Variants in UPK1B observed in about 807,000 individuals in gnomAD.
UPK1B encodes uroplakin-1b.
A neutral mutation model predicts 34.2 loss-of-function variants in UPK1B; 28 were observed. That is an observed-to-expected ratio of 0.82 (90% CI 0.61 to 1.12). The LOEUF (loss-of-function observed/expected upper bound fraction) is 1.12, where lower values mean the gene tolerates loss of function less well. Ranked by LOEUF, UPK1B falls within the 50% of genes most tolerant of loss-of-function variation. The probability of loss-of-function intolerance (pLI) is 0.00; values close to 1 mark genes in which losing one functional copy is unlikely to be tolerated. For synonymous variants in UPK1B, 81 were observed against 110.4 expected (o/e 0.73, Z 1.67); for missense variants, 325 against 320.9 (o/e 1.01, Z -0.10).
intron 7 of UPK1B, among the ~76,000 whole-genome samples, chr3:119,203,354 A>AAAAACAAAAAC (rs2078101569): frequency 2.1e-5 from 3 of 141,878 alleles, no homozygotes; most frequent in Non-Finnish European, 4.6e-5. Context: ...AAAAAAAAAA[A>AAAAACAAAAAC]AAAAAAAAAA....
chr3:119,175,196 T>G (rs1420328892), intron 1 of UPK1B, among the ~76,000 whole-genome samples: 1 of 150,992 alleles, frequency 6.6e-6, no homozygotes, highest in African/African-American at 2.4e-5. Flanking sequence ...CCCGGCCAAT[T>G]TTTTGTATTT....
In UPK1B at chr3:119,173,612, A is replaced by G. The variant is rs2077938899; in HGVS notation, c.-55A>G. On this transcript the variant is annotated 5_prime_UTR_variant, in exon 1 of 8. Transcript: ENST00000264234. ...GGGTGCAGACTGCGGAGCGGGCCCTACCGTGTGCGCAGAAAGAGGAGGCGC... is the reference window on the plus strand; with the variant it reads ...GGGTGCAGACTGCGGAGCGGGCCCTGCCGTGTGCGCAGAAAGAGGAGGCGC... The G allele has an allele frequency of 6.6e-6, 1 of 152,198 alleles. No individual in the cohort carries two copies. Among genetic ancestry groups the G allele is most frequent in the South Asian group, 2.1e-4 (1 of 4,830 alleles). 9.4% of individuals were successfully genotyped at this position (152,198 alleles called of 1,614,324 possible). A position where few individuals can be genotyped will look rare whatever the true frequency, so the allele number is the denominator to read the frequency against.
chr3:119,186,512 T>C (rs975457153), intron 1 of UPK1B, among the ~76,000 whole-genome samples: 3 of 152,238 alleles, frequency 2.0e-5, no homozygotes, highest in African/African-American at 7.2e-5. Flanking sequence ...TGAAAGGCAC[T>C]GACCAGGCTC....
At chr3:119,183,276 T>G (rs1348965636) in intron 1 of UPK1B, among the ~76,000 whole-genome samples, 2 of 151,768 alleles carry the variant, frequency 1.3e-5, no homozygotes, top group East Asian at 3.9e-4. Context: ...TTTTTGTTTT[T>G]TTTTTTTTTG....
In UPK1B at chr3:119,203,959, G is replaced by A. The variant is rs749185748; in HGVS notation, c.775G>A (p.Glu259Lys). ...LGTMFYWSRI[E>K]Y Reference sequence around the variant, plus strand: ...TACCATGTTCTACTGGAGCAGAATTGAATATTAAGCATAAAGTGTTGCCAC... The same window carrying A: ...TACCATGTTCTACTGGAGCAGAATTAAATATTAAGCATAAAGTGTTGCCAC... Residue 259 changes from glutamate (E) to lysine (K), a missense_variant, in exon 8 of 8, where the codon GAA becomes AAA. Coordinates refer to ENST00000264234, the MANE Select transcript of UPK1B (RefSeq NM_006952.4). The A allele has an allele frequency of 1.1e-5, 17 of 1,613,798 alleles. No homozygotes were observed. Among genetic ancestry groups the A allele is most frequent in the Non-Finnish European group, 1.4e-5 (17 of 1,180,016 alleles).
At chr3:119,195,087 G>A (rs542848226) in intron 6 of UPK1B, among the ~76,000 whole-genome samples, 17 of 152,192 alleles carry the variant, frequency 1.1e-4, no homozygotes, top group South Asian at 4.1e-4. Context: ...GAACTTAGAC[G>A]TAGAGATACT....
chr3:119,183,418 T>A (rs537972978), intron 1 of UPK1B, among the ~76,000 whole-genome samples: 18 of 152,174 alleles, frequency 1.2e-4, no homozygotes, highest in African/African-American at 3.4e-4. Flanking sequence ...CCCGCCACCA[T>A]GCTCGGCTAA....
intron 6 of UPK1B, 43 bp from the exon 7 acceptor site, chr3:119,199,014 T>G (rs751991979): frequency 1.2e-6 from 2 of 1,608,256 alleles, no homozygotes; most frequent in East Asian, 4.5e-5. Context: ...TTCTCTGCTT[T>G]CTGGTTCTTC....
intron 6 of UPK1B, among the ~76,000 whole-genome samples, chr3:119,197,796 AG>A (rs1344866260): frequency 1.3e-5 from 2 of 152,244 alleles, no homozygotes; most frequent in African/African-American, 4.8e-5. Flanking sequence ...GAAATAAGGC[AG>A]GGTGAGTATA....
chr3:119,199,173 A>G (rs750086037), intron 7 of UPK1B, 33 bp downstream of exon 7: 164 of 1,611,856 alleles, frequency 1.0e-4, no homozygotes, highest in Middle Eastern at 3.3e-4. Flanking sequence ...TTTATCTGAG[A>G]GGATGATCAT....
intron 1 of UPK1B, among the ~76,000 whole-genome samples, chr3:119,182,947 T>G (rs1002344938): frequency 6.6e-6 from 1 of 152,194 alleles, no homozygotes; most frequent in South Asian, 2.1e-4. Flanking sequence ...GGTACAGCAC[T>G]GAGTTTGGGG....
At chr3:119,183,509 A>G (rs1037400291) in intron 1 of UPK1B, among the ~76,000 whole-genome samples, 1 of 151,752 alleles carries the variant, frequency 6.6e-6, no homozygotes, top group Non-Finnish European at 1.5e-5. Flanking sequence ...TGATCTGCCC[A>G]CCTCAGCCTC....
chr3:119,197,998 A>G (rs2078074156), intron 6 of UPK1B, among the ~76,000 whole-genome samples: 1 of 152,226 alleles, frequency 6.6e-6, no homozygotes, highest in Non-Finnish European at 1.5e-5. Context: ...TTGAAGGAGC[A>G]TAAAGGAGAT....
rs372693217 is a variant in UPK1B, at chr3:119,200,948, A to G, written c.732+1808A>G. Among the ~76,000 whole-genome samples, 19 of 152,352 alleles carry G rather than the reference A, an allele frequency of 1.2e-4. No individual in the cohort carries two copies. The South Asian group carries it at 3.9e-3, about 32-fold the overall frequency. On this transcript the variant is annotated intron_variant, in intron 7 of 7. Transcript: ENST00000264234. ...ATACTTCCTTTCTGTCATGCAGAATATTTAAAAAGATGTGTACTCAAAGGC... is the reference window on the plus strand; with the variant it reads ...ATACTTCCTTTCTGTCATGCAGAATGTTTAAAAAGATGTGTACTCAAAGGC...
chr3:119,176,029 A>G (rs1245422021), intron 1 of UPK1B: 1 of 152,218 alleles, frequency 6.6e-6, no homozygotes, highest in Non-Finnish European at 1.5e-5. Flanking sequence ...GAAGCAGACC[A>G]GCAATTGTTG....
intron 5 of UPK1B, among the ~76,000 whole-genome samples, chr3:119,193,437 T>C (rs1364314550): frequency 2.0e-5 from 3 of 152,230 alleles, no homozygotes; most frequent in Non-Finnish European, 4.4e-5. Context: ...TTGAAGGATT[T>C]TAGGAGAATT....
intron 3 of UPK1B, among the ~76,000 whole-genome samples, 168 bp downstream of exon 3, chr3:119,188,143 G>C (rs1159861343): frequency 6.6e-6 from 1 of 152,162 alleles, no homozygotes; most frequent in Non-Finnish European, 1.5e-5. Flanking sequence ...TGGAGGCAAA[G>C]ATGCCCTCCA....
intron 7 of UPK1B, among the ~76,000 whole-genome samples, chr3:119,200,716 T>C (rs1416512174): frequency 5.3e-5 from 8 of 152,252 alleles, no homozygotes; most frequent in Non-Finnish European, 1.2e-4. Flanking sequence ...AATTTATCAT[T>C]GGCAATGAAT....
At chr3:119,179,383 ATATATATATATATAT>A (rs1181641551) in intron 1 of UPK1B, among the ~76,000 whole-genome samples, 8 of 83,602 alleles carry the variant, frequency 9.6e-5, no homozygotes, top group Non-Finnish European at 1.8e-4. Context: ...ATATATATAT[ATATATATATATATAT>A]TAATTCTAAG....
Sources: gnomAD v4.1 joint callset for allele counts (sites outside exome capture counted in the v4.1 genomes callset) on GRCh38, gnomAD v4.1.1 for gene constraint, MANE v1.5 for transcripts, NCBI Gene and HGNC (gene_info 2026-07-23, HGNC 2026-07-21) for gene names.